SNHG17: variants seen among roughly 807,000 people sequenced by gnomAD.
SNHG17 encodes the protein small nucleolar RNA host gene 17.
chr20:38,421,370 G>C (rs1168838448), intron 6 of SNHG17: 2 of 152,180 alleles, frequency 1.3e-5, no homozygotes, highest in Admixed American at 6.5e-5. Context: ...TTCTCCATTT[G>C]TTCGACATTA....
chr20:38,423,920 C>A (rs1160144148), intron 5 of SNHG17, among the ~76,000 whole-genome samples: 1 of 152,166 alleles, frequency 6.6e-6, no homozygotes, highest in Non-Finnish European at 1.5e-5. Flanking sequence ...GTAATCCCAG[C>A]ACTTTGGGAG....
intron 5 of SNHG17, among the ~76,000 whole-genome samples, chr20:38,424,725 CAG>C (rs2084216296): frequency 6.6e-6 from 1 of 151,998 alleles, no homozygotes; most frequent in African/African-American, 2.4e-5. Context: ...GATGGGGAGG[CAG>C]AGAGAGCTTC....
At chr20:38,427,202 G>A in intron 3 of SNHG17, 1 of 352,372 alleles carries the variant, frequency 2.8e-6, no homozygotes, top group South Asian at 2.3e-5. Context: ...TGCAAAGAGA[G>A]GTCAAGCTGA....
intron 2 of SNHG17, among the ~76,000 whole-genome samples, chr20:38,433,284 G>GT (rs1445073744): frequency 6.6e-6 from 1 of 152,148 alleles, no homozygotes; most frequent in African/African-American, 2.4e-5. Context: ...CCCATCTCCT[G>GT]TTTTTCATTT....
chr20:38,434,423 G>C (rs1600772604), intron 2 of SNHG17: 2 of 198,304 alleles, frequency 1.0e-5, no homozygotes, highest in Non-Finnish European at 2.1e-5. Context: ...ACTCAGAACT[G>C]GCTGAGCTCA....
intron 2 of SNHG17, chr20:38,434,080 G>C: frequency 2.1e-6 from 1 of 486,724 alleles, no homozygotes; most frequent in Admixed American, 2.0e-5. Flanking sequence ...GGAAGAGAAG[G>C]GTACCCAGGA....
In SNHG17 at chr20:38,434,661, G is replaced by A. The variant is rs146227074; in HGVS notation, n.186-35C>T. ...GAAAAAGCACGGGGAGGGGGCTTTA[G>A]TACAAGGCCCGGGGACAGAAGTCCA... is the stretch of plus-strand genomic sequence containing the variant. On this transcript the variant is annotated intron_variant and non_coding_transcript_variant, in intron 1 of 8. Transcript: ENST00000654008. The A allele has an allele frequency of 3.5e-3, 711 of 204,766 alleles. 5 individuals are homozygous for A. Among genetic ancestry groups the A allele is most frequent in the African/African-American group, 0.016 (672 of 42,644 alleles). 12.7% of individuals were successfully genotyped at this position (204,766 alleles called of 1,614,324 possible).
intron 5 of SNHG17, among the ~76,000 whole-genome samples, chr20:38,422,407 C>A (rs532194013): frequency 6.6e-6 from 1 of 152,360 alleles, no homozygotes; most frequent in African/African-American, 2.4e-5. Context: ...CAGGGGCTGG[C>A]AGATCATAAG....
intron 5 of SNHG17, among the ~76,000 whole-genome samples, chr20:38,423,841 A>G (rs1354727492): frequency 6.6e-6 from 1 of 152,198 alleles, no homozygotes; most frequent in African/African-American, 2.4e-5. Context: ...ATTCTATAAC[A>G]TCATGTTGTA....
At chr20:38,433,531 A>C (rs2084372637) in intron 2 of SNHG17, among the ~76,000 whole-genome samples, 1 of 152,186 alleles carries the variant, frequency 6.6e-6, no homozygotes, top group East Asian at 1.9e-4. Flanking sequence ...CAGGAGTTCA[A>C]GCTATGATCA....
intron 2 of SNHG17, among the ~76,000 whole-genome samples, chr20:38,431,745 C>G (rs1003383832): frequency 6.6e-6 from 1 of 152,136 alleles, no homozygotes; most frequent in Admixed American, 6.5e-5. Context: ...GGTTTGATGC[C>G]AAAGCCCTCC....
At chr20:38,423,970 G>A (rs1353401213) in intron 5 of SNHG17, among the ~76,000 whole-genome samples, 1 of 152,074 alleles carries the variant, frequency 6.6e-6, no homozygotes, top group African/African-American at 2.4e-5. Context: ...CCAGGACTTC[G>A]AGACCAGCCT....
At chr20:38,423,892 G>A (rs2084200744) in intron 5 of SNHG17, among the ~76,000 whole-genome samples, 1 of 152,192 alleles carries the variant, frequency 6.6e-6, no homozygotes, top group Admixed American at 6.5e-5. Context: ...AACAGGTTGG[G>A]TGTGGTGGCT....
intron 1 of SNHG17, chr20:38,435,169 C>T (rs1407208462): frequency 8.1e-7 from 1 of 1,232,312 alleles, no homozygotes; most frequent in East Asian, 3.2e-5. Context: ...GAGAGTGGAG[C>T]CGACCATGCG....
At chr20:38,427,674 CCCTA>C (rs2084272583) in intron 3 of SNHG17, 1 of 166,812 alleles carries the variant, frequency 6.0e-6, no homozygotes, top group African/African-American at 2.4e-5. Flanking sequence ...ATCAATTATG[CCCTA>C]CCTTTGTTTT....
At chr20:38,435,217 G>A in exon 1 of SNHG17, 5 of 1,232,042 alleles carry the variant, frequency 4.1e-6, no homozygotes, top group Non-Finnish European at 5.1e-6. Flanking sequence ...GGCGTCGAGT[G>A]GCGGCGGAGA....
At chr20:38,424,579 T>C (rs1377231888) in intron 5 of SNHG17, among the ~76,000 whole-genome samples, 1 of 152,208 alleles carries the variant, frequency 6.6e-6, no homozygotes, top group African/African-American at 2.4e-5. Flanking sequence ...GTCCAGGTGC[T>C]ACATGTCAGT....
chr20:38,433,964 G>C (rs916051630), intron 2 of SNHG17: 5 of 519,068 alleles, frequency 9.6e-6, no homozygotes, highest in Non-Finnish European at 1.9e-5. Flanking sequence ...AATGACCAGG[G>C]CACAGGCAGC....
At chr20:38,434,855 G>A (rs567462912) in intron 1 of SNHG17, 2 of 985,484 alleles carry the variant, frequency 2.0e-6, no homozygotes, top group African/African-American at 3.5e-5. Flanking sequence ...ACAGTCAAGT[G>A]GCTTTGGAGG....
Sources: allele counts gnomAD v4.1 joint callset (sites outside exome capture counted in the v4.1 genomes callset), GRCh38; gene constraint gnomAD v4.1.1; transcripts MANE v1.5; gene names NCBI Gene and HGNC (gene_info 2026-07-23, HGNC 2026-07-21).